Variants in STX12 observed in about 807,000 individuals in gnomAD.
STX12 encodes syntaxin 12, also known as syntaxin-12.
A neutral mutation model predicts 42.2 loss-of-function variants in STX12; 17 were observed. The observed-to-expected ratio is 0.40, with a 90% confidence interval of 0.28 to 0.60. The LOEUF (loss-of-function observed/expected upper bound fraction) is 0.60. Ranked by LOEUF, STX12 falls within the 20% of genes least tolerant of loss-of-function variation. The pLI is 0.39. For missense variants in STX12, 297 were observed against 330.9 expected (o/e 0.90, Z 0.79); for synonymous variants, 108 against 116.7 (o/e 0.93, Z 0.48).
chr1:27,815,567 CTTAT>C (rs1051319708), intron 6 of STX12, among the ~76,000 whole-genome samples: 7 of 152,104 alleles, frequency 4.6e-5, no homozygotes, highest in African/African-American at 1.7e-4. Context: ...ACTCTTCCTT[CTTAT>C]TTATTTTATT....
At chr1:27,793,697 A>G (rs2088765035) in intron 3 of STX12, 65 bp downstream of exon 3, 1 of 1,358,804 alleles carries the variant, frequency 7.4e-7, no homozygotes, top group Non-Finnish European at 1.0e-6. Flanking sequence ...GGCAGTGTGT[A>G]GAACAAAAAA....
At chr1:27,803,991 A>C (rs2088843316) in intron 4 of STX12, among the ~76,000 whole-genome samples, 1 of 152,078 alleles carries the variant, frequency 6.6e-6, no homozygotes, top group African/African-American at 2.4e-5. Context: ...ACACAACAAG[A>C]TTGTATCTCA....
In STX12 at chr1:27,822,452, A is replaced by AAACT. The variant is rs2088991505; in HGVS notation, c.*129_*132dup. On this transcript the variant is annotated 3_prime_UTR_variant, in exon 9 of 9. Coordinates refer to ENST00000373943, the MANE Select transcript of STX12 (RefSeq NM_177424.3). ...GAACGTCCTGTAATCATTTAGTTAG[A>AAACT]AACTAACTACTAACTAGTCTTTGGA... 3 of 659,888 alleles carry AAACT rather than the reference A, an allele frequency of 4.5e-6. No individual in the cohort carries two copies. The highest frequency in any genetic ancestry group is 8.3e-6 in the Non-Finnish European group (3 of 363,112). The allele number at this position is 659,888 out of a possible 1,614,324, so 40.9% of individuals were successfully genotyped here.
chr1:27,801,176 A>T (rs1487079257), intron 3 of STX12, among the ~76,000 whole-genome samples: 4 of 152,204 alleles, frequency 2.6e-5, no homozygotes, highest in African/African-American at 9.6e-5. Context: ...AGGCGGGCAG[A>T]TCACCTGAGG....
intron 3 of STX12, among the ~76,000 whole-genome samples, chr1:27,798,025 G>A (rs2088798564): frequency 6.6e-6 from 1 of 152,098 alleles, no homozygotes; most frequent in Non-Finnish European, 1.5e-5. Context: ...GATGTGTAAA[G>A]TTGGGACTAT....
chr1:27,793,572 A>T lies in STX12; in HGVS notation c.228A>T (p.Glu76Asp). Residue 76 changes from glutamate to aspartate, a missense_variant, in exon 3 of 9, where the codon GAA becomes GAT. Coordinates refer to ENST00000373943, the MANE Select transcript of STX12 (RefSeq NM_177424.3). The part of the protein sequence containing the change: ...LQHSTNQLAK[E>D]TNELLKELGS... ...ACTCCACAAATCAGCTCGCCAAGGA[A>T]ACAAATGAATTGCTGAAAGAATTAG... 6.2e-7 allele frequency: 1 copy of T among 1,614,144 alleles called. No homozygotes were observed.
At chr1:27,819,116 A>G (rs896330001) in intron 7 of STX12, among the ~76,000 whole-genome samples, 7 of 151,954 alleles carry the variant, frequency 4.6e-5, no homozygotes, top group South Asian at 2.1e-4. Context: ...TCTTTACCAA[A>G]AAATTAGCCA....
In STX12 at chr1:27,791,857, G is replaced by A. The variant is rs528466499; in HGVS notation, c.189-1676G>A. The stretch of plus-strand genomic sequence containing the variant: ...AAATTAGCTGTGCGTGGTGGCTTGC[G>A]CCTGTAGTCACAGCTGCTTGGGAGG... On this transcript the variant is annotated intron_variant, in intron 2 of 8. Coordinates refer to ENST00000373943, the MANE Select transcript of STX12 (RefSeq NM_177424.3). Among the ~76,000 whole-genome samples the A allele has an allele frequency of 3.1e-3, 471 of 151,422 alleles. 4 individuals carry two copies. Among genetic ancestry groups the A allele is most frequent in the African/African-American group, 0.011 (438 of 41,266 alleles).
intron 3 of STX12, among the ~76,000 whole-genome samples, chr1:27,798,719 GAA>G (rs983651409): frequency 4.8e-4 from 21 of 43,564 alleles, no homozygotes; most frequent in African/African-American, 1.5e-3. Flanking sequence ...CTCAAAAAAA[GAA>G]AAAAAAAAAA....
Position 27,793,639 on chromosome 1 carries a change from A to T in STX12, c.288+7A>T. On this transcript the variant is annotated splice_region_variant and intron_variant, in intron 3 of 8. Coordinates refer to ENST00000373943, the MANE Select transcript of STX12 (RefSeq NM_177424.3). The stretch of plus-strand genomic sequence containing the variant: ...CTTATCTACTTCAGAACAGGTTGGT[A>T]TTTTCTGTTTTGTTTATTAATAGGA... 6.2e-7 allele frequency: 1 copy of T among 1,610,146 alleles called. No individual in the cohort carries two copies. The highest frequency in any genetic ancestry group is 8.5e-7 in the Non-Finnish European group (1 of 1,176,728).
chr1:27,778,143 T>G (rs1027201860), intron 1 of STX12, among the ~76,000 whole-genome samples: 2 of 152,210 alleles, frequency 1.3e-5, no homozygotes, highest in African/African-American at 4.8e-5. Context: ...TATTCTTTTT[T>G]CTAAACTGTT....
At chr1:27,779,906 C>T (rs1468263696) in intron 1 of STX12, among the ~76,000 whole-genome samples, 1 of 152,076 alleles carries the variant, frequency 6.6e-6, no homozygotes, top group Admixed American at 6.6e-5. Flanking sequence ...ATCCTCCAGC[C>T]TCAGCCTCCC....
At chr1:27,806,617 A>G (rs909264247) in intron 4 of STX12, among the ~76,000 whole-genome samples, 3 of 152,226 alleles carry the variant, frequency 2.0e-5, no homozygotes, top group African/African-American at 7.2e-5. Flanking sequence ...GTGTGTGGTG[A>G]TGAAGAATAC....
chr1:27,819,748 A>G lies in STX12; in HGVS notation c.732+16A>G. ...TTACTATCAGGTAAAAGCGGGTACCAAAGAAAGTCACTCTGTGTTGCAGAC... is the reference window on the plus strand; with the variant it reads ...TTACTATCAGGTAAAAGCGGGTACCGAAGAAAGTCACTCTGTGTTGCAGAC... On this transcript the variant is annotated intron_variant, in intron 8 of 8. Transcript: ENST00000373943. The G allele has an allele frequency of 6.2e-7, 1 of 1,611,108 alleles. No homozygotes were observed. Among genetic ancestry groups the G allele is most frequent in the Non-Finnish European group, 8.5e-7 (1 of 1,178,156 alleles).
chr1:27,790,493 G>A (rs1557800352), intron 2 of STX12, among the ~76,000 whole-genome samples: 1 of 152,162 alleles, frequency 6.6e-6, no homozygotes, highest in Non-Finnish European at 1.5e-5. Context: ...TTGCTGATTG[G>A]TGCATTTTAC....
At chr1:27,775,448 T>A (rs2088622758) in intron 1 of STX12, among the ~76,000 whole-genome samples, 1 of 152,136 alleles carries the variant, frequency 6.6e-6, no homozygotes, top group African/African-American at 2.4e-5. Context: ...ATTTTTATAT[T>A]TTTTGTAGAG....
At chr1:27,813,193 C>T (rs1250712535) in intron 6 of STX12, among the ~76,000 whole-genome samples, 3 of 148,008 alleles carry the variant, frequency 2.0e-5, no homozygotes, top group African/African-American at 5.0e-5. Flanking sequence ...TTTTTTTTTC[C>T]GAGACTAAGT....
At chr1:27,791,324 A>G (rs2088739451) in intron 2 of STX12, among the ~76,000 whole-genome samples, 1 of 120,700 alleles carries the variant, frequency 8.3e-6, no homozygotes, top group South Asian at 2.9e-4. Flanking sequence ...AATGTTACAC[A>G]ATTTTATATT....
At chr1:27,776,021 G>T (rs1021440969) in intron 1 of STX12, among the ~76,000 whole-genome samples, 1 of 152,104 alleles carries the variant, frequency 6.6e-6, no homozygotes, top group Non-Finnish European at 1.5e-5. Context: ...AGGAAAGTGC[G>T]AATTGAATTC....
Sources: allele counts gnomAD v4.1 joint callset (sites outside exome capture counted in the v4.1 genomes callset), GRCh38; gene constraint gnomAD v4.1.1; transcripts MANE v1.5; gene names NCBI Gene and HGNC (gene_info 2026-07-23, HGNC 2026-07-21).